Variants in KCNMA1 observed in about 807,000 individuals in gnomAD.
KCNMA1 encodes potassium calcium-activated channel subfamily M alpha 1.
KCNMA1 carries 29 observed loss-of-function variants against 140.0 expected under a neutral mutation model. The ratio of observed to expected loss-of-function variants is 0.21; its 90% CI spans 0.15 to 0.28. The LOEUF is 0.28. Among genes scored for constraint, KCNMA1 ranks in the 10% least tolerant of loss-of-function variants. The pLI, the probability that KCNMA1 is intolerant of heterozygous loss-of-function variation, is 1.00. For synonymous variants in KCNMA1, 612 were observed against 611.9 expected (o/e 1.00, Z 0.00); for missense variants, 880 against 1,602.2 (o/e 0.55, Z 7.70).
At chr10:77,182,630 A>G (rs563879884) in intron 5 of KCNMA1, among the ~76,000 whole-genome samples, 1 of 152,310 alleles carries the variant, frequency 6.6e-6, no homozygotes, top group East Asian at 1.9e-4. Flanking sequence ...CAAAAATCCT[A>G]AAAATAAGGA....
At chr10:77,002,786 T>C (rs1173156727) in intron 18 of KCNMA1, among the ~76,000 whole-genome samples, 1 of 152,234 alleles carries the variant, frequency 6.6e-6, no homozygotes, top group African/African-American at 2.4e-5. Context: ...TGTTTGCTTA[T>C]CACTTATCAT....
intron 1 of KCNMA1, among the ~76,000 whole-genome samples, chr10:77,564,037 C>T (rs1245842635): frequency 6.6e-6 from 1 of 152,208 alleles, no homozygotes; most frequent in Non-Finnish European, 1.5e-5. Context: ...TATTATTAGG[C>T]ACATGGCACA....
chr10:77,088,428 T>TTTTTGTTTTG lies in KCNMA1; in HGVS notation c.1335-1845_1335-1836dup, dbSNP rs10638689. On this transcript the variant is annotated intron_variant, in intron 10 of 27. Transcript: ENST00000286628. ...TAGCAATGGAAGCATGAGCAGCCAG[T>TTTTTGTTTTG]TTTTGTTTTGTTTTGTTTTGTTTTG... Among the ~76,000 whole-genome samples the TTTTTGTTTTG allele has an allele frequency of 4.1e-3, 613 of 150,898 alleles. 3 individuals are homozygous for TTTTTGTTTTG. The highest frequency in any genetic ancestry group is 0.017 in the Admixed American group (258 of 15,094).
intron 2 of KCNMA1, among the ~76,000 whole-genome samples, chr10:77,355,390 A>C (rs1036649946): frequency 6.6e-6 from 1 of 152,266 alleles, no homozygotes; most frequent in East Asian, 1.9e-4. Flanking sequence ...AACTTTATCA[A>C]TGTTCTCTGT....
intron 5 of KCNMA1, among the ~76,000 whole-genome samples, chr10:77,156,773 T>C (rs1387020425): frequency 6.6e-6 from 1 of 152,178 alleles, no homozygotes; most frequent in Non-Finnish European, 1.5e-5. Context: ...CTTCTGGCAT[T>C]TCTGGCGAGT....
intron 1 of KCNMA1, chr10:77,636,202 T>C (rs2093704743): frequency 1.8e-5 from 25 of 1,426,508 alleles, no homozygotes; most frequent in Non-Finnish European, 2.3e-5. Flanking sequence ...CACTCTCTTT[T>C]TTCCAGTTCT....
At chr10:76,875,770 G>A (rs938391921), downstream of KCNMA1, 1 of 152,608 alleles carries the variant, frequency 6.6e-6, no homozygotes, top group African/African-American at 2.4e-5. Flanking sequence ...TAGCTTTCAG[G>A]AAAGTTGTCA....
At chr10:77,627,976 T>C (rs2092733481) in intron 1 of KCNMA1, among the ~76,000 whole-genome samples, 1 of 152,138 alleles carries the variant, frequency 6.6e-6, no homozygotes, top group Non-Finnish European at 1.5e-5. Context: ...TCTACAAACC[T>C]GAAGCCCCCA....
At chr10:77,472,046 T>C (rs962035025) in intron 1 of KCNMA1, among the ~76,000 whole-genome samples, 1 of 143,096 alleles carries the variant, frequency 7.0e-6, no homozygotes, top group Admixed American at 7.0e-5. Context: ...CATATTCACA[T>C]ACATGTACCA....
At chr10:77,506,846 T>C (rs375477391) in intron 1 of KCNMA1, among the ~76,000 whole-genome samples, 2 of 100,176 alleles carry the variant, frequency 2.0e-5, no homozygotes, top group East Asian at 2.6e-4. Context: ...AGAGAGTGTG[T>C]GTGTGTGTGT....
intron 1 of KCNMA1, among the ~76,000 whole-genome samples, chr10:77,570,552 A>G (rs1603637135): frequency 2.4e-5 from 3 of 127,246 alleles, no homozygotes; most frequent in Middle Eastern, 7.6e-3. Context: ...ACACATGGAC[A>G]CAGGAAGGGG....
chr10:77,396,301 G>C (rs778053411), intron 2 of KCNMA1, among the ~76,000 whole-genome samples: 1 of 152,098 alleles, frequency 6.6e-6, no homozygotes. Context: ...AAAAGCTGGG[G>C]CATAGATGAG....
chr10:77,396,016 T>C (rs1041298408), intron 2 of KCNMA1, among the ~76,000 whole-genome samples: 1 of 152,166 alleles, frequency 6.6e-6, no homozygotes, highest in Non-Finnish European at 1.5e-5. Flanking sequence ...CATAATGTGA[T>C]TTCAGTATCT....
At chr10:77,116,329 T>C (rs2097463993) in intron 6 of KCNMA1, among the ~76,000 whole-genome samples, 1 of 152,076 alleles carries the variant, frequency 6.6e-6, no homozygotes, top group South Asian at 2.1e-4. Context: ...TCCAAGAAAC[T>C]GTGGATGCTG....
chr10:77,412,770 C>G (rs1372843264), intron 1 of KCNMA1, among the ~76,000 whole-genome samples: 5 of 152,214 alleles, frequency 3.3e-5, no homozygotes, highest in African/African-American at 1.2e-4. Context: ...TAGACTGCAT[C>G]TGAGTGAAGG....
intron 1 of KCNMA1, among the ~76,000 whole-genome samples, chr10:77,548,640 G>A (rs986164905): frequency 1.3e-5 from 2 of 152,168 alleles, no homozygotes; most frequent in Non-Finnish European, 2.9e-5. Context: ...CAGCACACTG[G>A]GGATGGAGCA....
chr10:76,894,988 G>A (rs1431447156), intron 25 of KCNMA1, among the ~76,000 whole-genome samples: 3 of 152,198 alleles, frequency 2.0e-5, no homozygotes, highest in Non-Finnish European at 4.4e-5. Flanking sequence ...AAACCCACAA[G>A]CAGATAGCCC....
intron 2 of KCNMA1, among the ~76,000 whole-genome samples, chr10:77,332,812 C>T (rs1195073057): frequency 2.6e-5 from 4 of 152,214 alleles, no homozygotes; most frequent in East Asian, 3.8e-4. Context: ...CTTAATCAGC[C>T]TCATCCCATT....
intron 23 of KCNMA1, among the ~76,000 whole-genome samples, chr10:76,937,042 C>T (rs1020481741): frequency 6.6e-6 from 1 of 152,192 alleles, no homozygotes; most frequent in African/African-American, 2.4e-5. Context: ...TAAAGGACCA[C>T]AGAACTCATC....
Sources: allele counts gnomAD v4.1 joint callset (sites outside exome capture counted in the v4.1 genomes callset), GRCh38; gene constraint gnomAD v4.1.1; transcripts MANE v1.5; gene names NCBI Gene and HGNC (gene_info 2026-07-23, HGNC 2026-07-21).